The following TAFA1 variants were observed in gnomAD, a reference collection of about 807,000 sequenced individuals.
The protein encoded by TAFA1 is chemokine-like protein TAFA-1.
TAFA1 carries 4 observed loss-of-function variants against 18.5 expected under a neutral mutation model. That is an observed-to-expected ratio of 0.22 (90% CI 0.11 to 0.49). The LOEUF (loss-of-function observed/expected upper bound fraction) is 0.49. Among genes scored for constraint, TAFA1 ranks in the 20% least tolerant of loss-of-function variants. TAFA1 has a pLI of 0.98. For missense variants in TAFA1, 147 were observed against 169.0 expected (o/e 0.87, Z 0.72); for synonymous variants, 56 against 55.2 (o/e 1.01, Z -0.06).
intron 2 of TAFA1, among the ~76,000 whole-genome samples, chr3:68,402,929 G>T (rs2070526698): frequency 6.6e-6 from 1 of 152,158 alleles, no homozygotes; most frequent in African/African-American, 2.4e-5. Context: ...CATCTCTTTT[G>T]CTGTCATCAT....
At chr3:68,189,983 G>T (rs543507355) in intron 2 of TAFA1, among the ~76,000 whole-genome samples, 97 of 151,996 alleles carry the variant, frequency 6.4e-4, no homozygotes, top group Middle Eastern at 3.4e-3. Flanking sequence ...TAGAACAAAG[G>T]AAGCTGGCAA....
intron 2 of TAFA1, among the ~76,000 whole-genome samples, chr3:68,360,469 T>C (rs1016101293): frequency 6.6e-6 from 1 of 151,898 alleles, no homozygotes; most frequent in Admixed American, 6.6e-5. Flanking sequence ...CTTCACCCGA[T>C]ATTTAGAGAC....
At chr3:68,282,267 A>T (rs2067912257) in intron 2 of TAFA1, among the ~76,000 whole-genome samples, 1 of 152,292 alleles carries the variant, frequency 6.6e-6, no homozygotes, top group African/African-American at 2.4e-5. Context: ...AACCATCTCA[A>T]TCACTTTGCT....
intron 3 of TAFA1, among the ~76,000 whole-genome samples, chr3:68,533,415 C>T (rs1329272392): frequency 6.6e-6 from 1 of 152,106 alleles, no homozygotes; most frequent in Non-Finnish European, 1.5e-5. Context: ...CAATTATCTC[C>T]CACAGGGTCC....
intron 2 of TAFA1, among the ~76,000 whole-genome samples, chr3:68,113,521 CAAT>C (rs1391966111): frequency 3.9e-5 from 6 of 152,012 alleles, no homozygotes; most frequent in Non-Finnish European, 8.8e-5. Context: ...AAATAGGACT[CAAT>C]ATTATTCATT....
upstream of TAFA1, among the ~76,000 whole-genome samples, chr3:68,002,799 T>C (rs917955531): frequency 2.6e-5 from 4 of 152,218 alleles, no homozygotes; most frequent in Non-Finnish European, 5.9e-5. Flanking sequence ...TTCTTTAATC[T>C]TCCTGTCTCC....
At chr3:68,206,279 G>GA (rs1223805424) in intron 2 of TAFA1, among the ~76,000 whole-genome samples, 5 of 151,328 alleles carry the variant, frequency 3.3e-5, no homozygotes, top group African/African-American at 9.7e-5. Context: ...TACTTTGTCA[G>GA]AAAAAAAAGA....
At chr3:68,438,780 AC>A (rs1307769994) in intron 3 of TAFA1, among the ~76,000 whole-genome samples, 2 of 152,052 alleles carry the variant, frequency 1.3e-5, no homozygotes, top group Non-Finnish European at 2.9e-5. Context: ...AATTAGCACC[AC>A]TTTGGTGACA....
intron 2 of TAFA1, among the ~76,000 whole-genome samples, chr3:68,007,599 A>ACCCCCCCCCCCCCCCCCC (rs1704380870): frequency 8.1e-6 from 1 of 123,400 alleles, no homozygotes; most frequent in Non-Finnish European, 1.7e-5. Context: ...TTCACCCTCC[A>ACCCCCCCCCCCCCCCCCC]CCCCACCTCC....
chr3:68,111,608 T>G (rs1412511891), intron 2 of TAFA1, among the ~76,000 whole-genome samples: 1 of 152,164 alleles, frequency 6.6e-6, no homozygotes, highest in Non-Finnish European at 1.5e-5. Context: ...TCTAAGTTTC[T>G]TGAAATTCTG....
chr3:68,000,230 G>T (rs1704269972), upstream of TAFA1, among the ~76,000 whole-genome samples: 1 of 152,176 alleles, frequency 6.6e-6, no homozygotes, highest in African/African-American at 2.4e-5. Flanking sequence ...CAGTATGTTA[G>T]ACTCTGAAGA....
chr3:68,422,233 T>C (rs2070969931), intron 3 of TAFA1, among the ~76,000 whole-genome samples: 1 of 152,138 alleles, frequency 6.6e-6, no homozygotes, highest in Non-Finnish European at 1.5e-5. Context: ...TGTTAATAGC[T>C]ATATGGGTTT....
intron 3 of TAFA1, among the ~76,000 whole-genome samples, chr3:68,504,045 T>C (rs1180065005): frequency 3.3e-5 from 5 of 152,118 alleles, no homozygotes; most frequent in African/African-American, 1.2e-4. Context: ...TGGAGGATTA[T>C]ATATTTTTAA....
At chr3:68,349,437 TAA>T (rs2069224694) in intron 2 of TAFA1, among the ~76,000 whole-genome samples, 1 of 152,086 alleles carries the variant, frequency 6.6e-6, no homozygotes, top group South Asian at 2.1e-4. Flanking sequence ...TAAAGGACGA[TAA>T]AGTCCTACGG....
chr3:68,231,401 C>T lies in TAFA1; in HGVS notation c.119-185879C>T, dbSNP rs532381667. On this transcript the variant is annotated intron_variant, in intron 2 of 4. Coordinates refer to ENST00000478136, the MANE Select transcript of TAFA1 (RefSeq NM_213609.4). ...CGGAGTCTCGCTCTGTCGCCCAGGC[C>T]GGACTGCGGACTGCAGTGGCGCAAT... Among the ~76,000 whole-genome samples the T allele has an allele frequency of 6.3e-4, 86 of 135,678 alleles. 1 individual carries two copies. The highest frequency in any genetic ancestry group is 9.9e-4 in the African/African-American group (36 of 36,524). The allele number at this position is 135,678 out of a possible 152,430, so 89.0% of individuals were successfully genotyped here. A position where few individuals can be genotyped will look rare whatever the true frequency, so the allele number is the denominator to read the frequency against.
At chr3:68,062,953 T>C (rs905878863) in intron 2 of TAFA1, among the ~76,000 whole-genome samples, 1 of 152,188 alleles carries the variant, frequency 6.6e-6, no homozygotes, top group African/African-American at 2.4e-5. Context: ...GTCTGAACTT[T>C]ATCGTCTAAC....
At chr3:68,180,178 G>A (rs1041595515) in intron 2 of TAFA1, among the ~76,000 whole-genome samples, 29 of 139,832 alleles carry the variant, frequency 2.1e-4, no homozygotes, top group African/African-American at 5.9e-4. Flanking sequence ...GACTACAGGT[G>A]TGCACCACCA....
intron 2 of TAFA1, among the ~76,000 whole-genome samples, chr3:68,407,305 T>C (rs1271491115): frequency 6.6e-6 from 1 of 152,120 alleles, no homozygotes; most frequent in Non-Finnish European, 1.5e-5. Context: ...TTAATTCTTA[T>C]ACCTGATAAG....
intron 2 of TAFA1, among the ~76,000 whole-genome samples, chr3:68,181,511 C>A (rs1302685500): frequency 6.6e-6 from 1 of 152,036 alleles, no homozygotes; most frequent in Non-Finnish European, 1.5e-5. Flanking sequence ...TTCAGGGTAA[C>A]CAGTGGTGAG....
Sources: gnomAD v4.1 joint callset for allele counts (sites outside exome capture counted in the v4.1 genomes callset) on GRCh38, gnomAD v4.1.1 for gene constraint, MANE v1.5 for transcripts, NCBI Gene and HGNC (gene_info 2026-07-23, HGNC 2026-07-21) for gene names.